TRIM33: variants seen among roughly 807,000 people sequenced by gnomAD.
TRIM33 encodes the protein tripartite motif containing 33, also known as E3 ubiquitin-protein ligase TRIM33.
A neutral mutation model predicts 125.4 loss-of-function variants in TRIM33; 20 were observed. The observed-to-expected ratio is 0.16, with a 90% CI of 0.11 to 0.23. The LOEUF (loss-of-function observed/expected upper bound fraction) is 0.23. Ranked by LOEUF, TRIM33 falls within the 10% of genes least tolerant of loss-of-function variation. The probability of loss-of-function intolerance (pLI) is 1.00; values close to 1 mark genes in which losing one functional copy is unlikely to be tolerated. For missense variants in TRIM33, 920 were observed against 1,411.4 expected (o/e 0.65, Z 5.58); for synonymous variants, 564 against 513.9 (o/e 1.10, Z -1.32).
intron 13 of TRIM33, 137 bp downstream of exon 13, chr1:114,408,540 C>T (rs1007262488): frequency 3.6e-5 from 20 of 561,022 alleles, no homozygotes; most frequent in African/African-American, 3.2e-4. Flanking sequence ...ATAGAAGAAA[C>T]AAGATTGGCC....
intron 4 of TRIM33, among the ~76,000 whole-genome samples, chr1:114,461,304 T>TA: frequency 1.4e-5 from 2 of 146,528 alleles, no homozygotes; most frequent in Non-Finnish European, 3.0e-5. Context: ...ATATATTATA[T>TA]TTTATATTTT....
chr1:114,410,906 C>T (rs56262010), intron 11 of TRIM33, among the ~76,000 whole-genome samples: 10,502 of 152,170 alleles, frequency 0.069, 366 homozygotes, highest in South Asian at 0.075. Context: ...GTTTCCTATC[C>T]TTAAAACATG....
intron 4 of TRIM33, among the ~76,000 whole-genome samples, chr1:114,445,744 C>T (rs527413693): frequency 2.6e-5 from 4 of 152,110 alleles, no homozygotes; most frequent in Non-Finnish European, 5.9e-5. Flanking sequence ...CGAGTGACAT[C>T]CAAAACAATG....
chr1:114,466,874 GGCGT>G (rs1384864550), intron 1 of TRIM33, among the ~76,000 whole-genome samples: 1 of 152,216 alleles, frequency 6.6e-6, no homozygotes, highest in Non-Finnish European at 1.5e-5. Flanking sequence ...TCGGATTACA[GGCGT>G]GAGCCACCGC....
chr1:114,471,421 C>T (rs1650643182), intron 1 of TRIM33, among the ~76,000 whole-genome samples: 1 of 144,710 alleles, frequency 6.9e-6, no homozygotes, highest in Admixed American at 7.1e-5. Flanking sequence ...AGCCTGGCGA[C>T]AGAGCAAGCA....
At chr1:114,483,416 G>GT (rs553269663) in intron 1 of TRIM33, among the ~76,000 whole-genome samples, 4,800 of 144,910 alleles carry the variant, frequency 0.033, 167 homozygotes, top group African/African-American at 0.087. Context: ...ACCCAGTTGG[G>GT]TTTTTTTTTT....
intron 11 of TRIM33, among the ~76,000 whole-genome samples, chr1:114,413,735 A>C (rs1169927239): frequency 6.6e-6 from 1 of 151,764 alleles, no homozygotes; most frequent in African/African-American, 2.4e-5. Flanking sequence ...AAAAAATTAC[A>C]GGATGGCCAG....
intron 5 of TRIM33, among the ~76,000 whole-genome samples, chr1:114,433,279 G>A (rs556016002): frequency 3.3e-5 from 5 of 152,154 alleles, no homozygotes; most frequent in South Asian, 2.1e-4. Flanking sequence ...TGGTCCACCC[G>A]TGATACTCTC....
intron 11 of TRIM33, chr1:114,420,335 C>A (rs1345811256): frequency 8.6e-7 from 1 of 1,166,260 alleles, no homozygotes; most frequent in Admixed American, 2.3e-5. Flanking sequence ...CTCAGCCCAA[C>A]TGACTACCCC....
Position 114,425,558 on chromosome 1 carries a change from T to G in TRIM33, c.1586A>C (p.Gln529Pro), listed in dbSNP as rs1647510469. 6.2e-7 allele frequency: 1 copy of G among 1,614,044 alleles called. No individual in the cohort carries two copies. Among genetic ancestry groups the G allele is most frequent in the South Asian group, 1.1e-5 (1 of 91,082 alleles). ...MQQQVYAQKH[Q>P]QLQQMRMQQP... ...CTGCATCCTCATCTGTTGCAACTGCTGATGTTTCTGTGCATATACTTGTTG... is the reference window on the plus strand; with the variant it reads ...CTGCATCCTCATCTGTTGCAACTGCGGATGTTTCTGTGCATATACTTGTTG... The change falls in exon 9 of 20, where the codon CAG becomes CCG. Residue 529 changes from glutamine to proline, a missense_variant. This residue lies in a region of TRIM33 where 407 missense variants were observed against 589.7 expected (regional missense o/e 0.69). Coordinates refer to ENST00000358465, the MANE Select transcript of TRIM33 (RefSeq NM_015906.4).
At chr1:114,421,401 A>T (rs777042175) in intron 11 of TRIM33, 35 bp downstream of exon 11, 2 of 1,566,650 alleles carry the variant, frequency 1.3e-6, no homozygotes, top group Non-Finnish European at 8.8e-7. Flanking sequence ...ATTAACATTA[A>T]GTTTAATGAA....
At chr1:114,425,022 C>T (rs540801086) in intron 9 of TRIM33, among the ~76,000 whole-genome samples, 2 of 152,182 alleles carry the variant, frequency 1.3e-5, no homozygotes, top group South Asian at 2.1e-4. Context: ...TCAACATTAA[C>T]GTATCCCATC....
chr1:114,476,491 T>A (rs1650986636), intron 1 of TRIM33, among the ~76,000 whole-genome samples: 1 of 151,942 alleles, frequency 6.6e-6, no homozygotes, highest in South Asian at 2.1e-4. Flanking sequence ...CTTGACAAAT[T>A]TTTTAAAAAA....
At chr1:114,463,913 C>T (rs1485630281) in intron 2 of TRIM33, among the ~76,000 whole-genome samples, 1 of 151,846 alleles carries the variant, frequency 6.6e-6, no homozygotes, top group Admixed American at 6.6e-5. Context: ...GGACTAAAGG[C>T]GCATGCCACC....
chr1:114,401,316 G>A lies in TRIM33; in HGVS notation c.2967+73C>T, dbSNP rs1195989247. On this transcript the variant is annotated intron_variant, in intron 17 of 19. Coordinates refer to ENST00000358465, the MANE Select transcript of TRIM33 (RefSeq NM_015906.4). ...TGGGATTACAGGCGTGAGCCACCGC[G>A]CCCGGCCGCCAGAGCCCATACTCTT... The A allele has an allele frequency of 7.9e-6, 10 of 1,273,542 alleles. No homozygotes were observed. The highest frequency in any genetic ancestry group is 2.5e-5 in the East Asian group (1 of 39,750). 78.9% of individuals were successfully genotyped at this position (1,273,542 alleles called of 1,614,324 possible). A position where few individuals can be genotyped will look rare whatever the true frequency, so the allele number is the denominator to read the frequency against.
intron 4 of TRIM33, among the ~76,000 whole-genome samples, chr1:114,457,881 A>G (rs935030843): frequency 6.6e-6 from 1 of 152,200 alleles, no homozygotes; most frequent in Admixed American, 6.5e-5. Flanking sequence ...TTGGTGTCAG[A>G]AGTAATGGTG....
In TRIM33 at chr1:114,416,515, A is replaced by G. The variant is rs186774301; in HGVS notation, c.2061+4921T>C. Among the ~76,000 whole-genome samples the G allele has an allele frequency of 2.0e-5, 3 of 152,344 alleles. No individual in the cohort carries two copies. The East Asian group carries it at 5.8e-4, about 29-fold the overall frequency. ...TAATTCCTCATCTATTCTATTTTGTATAACAACTCACTTCTGTATTACTCC... is the reference window on the plus strand; with the variant it reads ...TAATTCCTCATCTATTCTATTTTGTGTAACAACTCACTTCTGTATTACTCC... On this transcript the variant is annotated intron_variant, in intron 11 of 19. Coordinates refer to ENST00000358465, the MANE Select transcript of TRIM33 (RefSeq NM_015906.4).
rs1181398600 is a variant in TRIM33 at position 114,465,320 on chromosome 1, C to T, written c.527-932G>A. On this transcript the variant is annotated intron_variant, in intron 1 of 19. Coordinates refer to ENST00000358465, the MANE Select transcript of TRIM33 (RefSeq NM_015906.4). The stretch of plus-strand genomic sequence containing the variant: ...CATGTCAGCCATGAAATAGAGGATA[C>T]AGCATAAATGACACAATCCACACCT... Among the ~76,000 whole-genome samples, 4 of 152,248 alleles carry T rather than the reference C, an allele frequency of 2.6e-5. No homozygotes were observed. The East Asian group carries it at 7.7e-4, about 29-fold the overall frequency.
At chr1:114,414,681 A>T (rs928966880) in intron 11 of TRIM33, among the ~76,000 whole-genome samples, 1 of 152,254 alleles carries the variant, frequency 6.6e-6, no homozygotes, top group African/African-American at 2.4e-5. Context: ...GTAGGGTTTT[A>T]AAAAATCTAT....
Sources: gnomAD v4.1 joint callset for allele counts (sites outside exome capture counted in the v4.1 genomes callset) on GRCh38, gnomAD v4.1.1 for gene constraint, gnomAD v4.1.1 regional missense constraint, MANE v1.5 for transcripts, NCBI Gene and HGNC (gene_info 2026-07-23, HGNC 2026-07-21) for gene names.